The following CSMD2 variants were observed in gnomAD, a reference collection of about 807,000 sequenced individuals.
CSMD2 encodes CUB and sushi domain-containing protein 2.
Under a neutral mutation model 398.5 loss-of-function variants are expected in CSMD2, and 130 were observed. The observed-to-expected ratio is 0.33, with a 90% confidence interval of 0.28 to 0.38. The LOEUF (loss-of-function observed/expected upper bound fraction) is 0.38, where lower values mean the gene tolerates loss of function less well. CSMD2 is among the 10% of genes least tolerant of loss of function. The probability of loss-of-function intolerance (pLI) is 1.00; values close to 1 mark genes in which losing one functional copy is unlikely to be tolerated. For synonymous variants in CSMD2, 1,828 were observed against 1,908.5 expected, an observed-to-expected ratio of 0.96 and a Z score of 1.10; for missense variants, 3,829 against 4,764.9, an observed-to-expected ratio of 0.80 and a Z score of 5.78.
rs1175385191 is a variant in CSMD2 at position 33,617,102 on chromosome 1, A to G, written c.5947-127T>C. ...AGGAACAAGATACACAAAGACACACAGATCCACTGTGGGATGGGAGTGAGG... is the reference window on the plus strand; with the variant it reads ...AGGAACAAGATACACAAAGACACACGGATCCACTGTGGGATGGGAGTGAGG... On this transcript the variant is annotated intron_variant, in intron 38 of 70. Transcript: ENST00000373381. 1.2e-5 allele frequency: 8 copies of G among 689,438 alleles called. No individual in the cohort carries two copies. In the African/African-American group the frequency reaches 1.4e-4, roughly 12 times the overall value. The allele number at this position is 689,438 out of a possible 1,614,324, so 42.7% of individuals were successfully genotyped here.
chr1:33,723,179 G>A (rs1021810417), intron 19 of CSMD2, among the ~76,000 whole-genome samples: 5 of 152,118 alleles, frequency 3.3e-5, no homozygotes, highest in African/African-American at 1.2e-4. Context: ...TTTAATATCC[G>A]GAAGGATTAA....
intron 25 of CSMD2, among the ~76,000 whole-genome samples, chr1:33,672,088 C>T (rs1644520752): frequency 6.6e-6 from 1 of 152,212 alleles, no homozygotes; most frequent in South Asian, 2.1e-4. Context: ...TCTGCATTTC[C>T]AACTGAGGTA....
intron 13 of CSMD2, among the ~76,000 whole-genome samples, chr1:33,760,298 T>C (rs1293166945): frequency 6.6e-6 from 1 of 152,246 alleles, no homozygotes; most frequent in African/African-American, 2.4e-5. Context: ...ACTGGGATTT[T>C]CATGCATTCC....
chr1:33,838,245 C>A (rs904092391), intron 6 of CSMD2, among the ~76,000 whole-genome samples: 1 of 152,204 alleles, frequency 6.6e-6, no homozygotes, highest in African/African-American at 2.4e-5. Flanking sequence ...TCTCCAAATC[C>A]AATTTGCTCA....
chr1:34,016,919 C>T (rs1648205805), intron 3 of CSMD2, among the ~76,000 whole-genome samples: 1 of 152,124 alleles, frequency 6.6e-6, no homozygotes, highest in Admixed American at 6.5e-5. Flanking sequence ...TATTGTATTT[C>T]ACAGTTTTTT....
chr1:34,158,364 C>G (rs1186049832), intron 1 of CSMD2, among the ~76,000 whole-genome samples: 1 of 152,226 alleles, frequency 6.6e-6, no homozygotes, highest in Non-Finnish European at 1.5e-5. Flanking sequence ...TCTCACGACA[C>G]TGCAGCAGAT....
rs146613027 is a variant in CSMD2 at position 33,971,743 on chromosome 1, G to A, written c.518-35789C>T. 5.9e-3 allele frequency among the ~76,000 whole-genome samples: 900 copies of A among 152,336 alleles called. 6 individuals carry two copies. The highest frequency in any genetic ancestry group is 0.017 in the Middle Eastern group (5 of 294). On this transcript the variant is annotated intron_variant, in intron 3 of 70. Transcript: ENST00000373381. ...CGGGTGCCTGTTTTGGGAGGTGGGT[G>A]AGAGGGGGTGCCTCCAAGGAACCCA...
At chr1:33,676,670 G>T (rs1165004269) in intron 25 of CSMD2, among the ~76,000 whole-genome samples, 2 of 152,128 alleles carry the variant, frequency 1.3e-5, no homozygotes, top group Non-Finnish European at 2.9e-5. Flanking sequence ...TAAGCCAAAA[G>T]AACAAAGCTG....
chr1:34,073,775 C>T (rs1371333913), intron 2 of CSMD2, among the ~76,000 whole-genome samples: 1 of 152,186 alleles, frequency 6.6e-6, no homozygotes, highest in Admixed American at 6.5e-5. Context: ...TCTTTAGCCA[C>T]TATGTTAGTC....
chr1:33,874,603 C>A (rs555744183), intron 5 of CSMD2, among the ~76,000 whole-genome samples: 2 of 152,254 alleles, frequency 1.3e-5, no homozygotes, highest in East Asian at 3.9e-4. Context: ...GGTCATGTTA[C>A]CTAGCTTGGT....
At chr1:33,831,480 C>A (rs10798997) in intron 6 of CSMD2, among the ~76,000 whole-genome samples, 1 of 151,534 alleles carries the variant, frequency 6.6e-6, no homozygotes, top group South Asian at 2.1e-4. Flanking sequence ...TTGTCACCAC[C>A]AGGCCTGCCC....
intron 5 of CSMD2, among the ~76,000 whole-genome samples, chr1:33,891,181 A>G (rs991777475): frequency 1.4e-5 from 2 of 146,800 alleles, no homozygotes; most frequent in Non-Finnish European, 3.0e-5. Context: ...AGAATCTACA[A>G]TGAACTCAAA....
At chr1:33,776,681 T>C (rs1652020686) in intron 12 of CSMD2, among the ~76,000 whole-genome samples, 1 of 151,876 alleles carries the variant, frequency 6.6e-6, no homozygotes, top group Admixed American at 6.6e-5. Context: ...GAGGATTGAC[T>C]GAGTGAGGGG....
At chr1:33,880,608 A>G (rs1302946976) in intron 5 of CSMD2, among the ~76,000 whole-genome samples, 1 of 152,230 alleles carries the variant, frequency 6.6e-6, no homozygotes, top group Admixed American at 6.5e-5. Context: ...CTTTCTTCTC[A>G]TAGTCTATGA....
chr1:34,039,349 T>C (rs1372870005), intron 2 of CSMD2, among the ~76,000 whole-genome samples: 1 of 152,190 alleles, frequency 6.6e-6, no homozygotes, highest in African/African-American at 2.4e-5. Flanking sequence ...ATCCTTGGCC[T>C]CCGCAGCCAC....
chr1:33,584,376 T>C (rs1274422884), intron 46 of CSMD2, among the ~76,000 whole-genome samples: 2 of 152,156 alleles, frequency 1.3e-5, no homozygotes, highest in Admixed American at 1.3e-4. Context: ...GTGAGCATTA[T>C]ATAAAATATT....
rs367891537 is a variant in CSMD2 at position 33,674,421 on chromosome 1, A to T, written c.4053-11329T>A. On this transcript the variant is annotated intron_variant, in intron 25 of 70. Coordinates refer to ENST00000373381, the MANE Select transcript of CSMD2 (RefSeq NM_001281956.2). ...AAGAGGAGCTAACTATCCTAAATAT[A>T]TATGCACCCAATACAGGAGCACCCA... Among the ~76,000 whole-genome samples, 6 of 152,266 alleles carry T rather than the reference A, an allele frequency of 3.9e-5. No individual in the cohort carries two copies. In the East Asian group the frequency reaches 9.7e-4, roughly 24 times the overall value.
intron 5 of CSMD2, among the ~76,000 whole-genome samples, chr1:33,911,055 G>T (rs565580761): frequency 6.6e-6 from 1 of 152,098 alleles, no homozygotes; most frequent in Non-Finnish European, 1.5e-5. Flanking sequence ...TCTTTGCCCC[G>T]ACTGTGAGCT....
chr1:33,695,575 A>AT (rs1477140318), intron 24 of CSMD2, among the ~76,000 whole-genome samples: 1 of 152,260 alleles, frequency 6.6e-6, no homozygotes, highest in Non-Finnish European at 1.5e-5. Flanking sequence ...GTGTGGTATT[A>AT]TTCATGTTTG....
Sources: allele counts gnomAD v4.1 joint callset (sites outside exome capture counted in the v4.1 genomes callset), GRCh38; gene constraint gnomAD v4.1.1; transcripts MANE v1.5; gene names NCBI Gene and HGNC (gene_info 2026-07-23, HGNC 2026-07-21).